Variants in CYP19A1 observed in about 807,000 individuals in gnomAD.
CYP19A1 encodes cytochrome P450 family 19 subfamily A member 1, also known as aromatase.
A neutral mutation model predicts 44.4 loss-of-function variants in CYP19A1; 32 were observed. The ratio of observed to expected loss-of-function variants is 0.72; its 90% CI spans 0.54 to 0.97. CYP19A1 has a LOEUF of 0.97. CYP19A1 is among the 50% of genes least tolerant of loss of function. The pLI, the probability that CYP19A1 is intolerant of heterozygous loss-of-function variation, is 0.00. For missense variants in CYP19A1, 598 were observed against 637.8 expected (o/e 0.94, Z 0.67); for synonymous variants, 212 against 215.6 (o/e 0.98, Z 0.14).
At chr15:51,248,493 T>C (rs943045254) in intron 1 of CYP19A1, among the ~76,000 whole-genome samples, 1 of 152,220 alleles carries the variant, frequency 6.6e-6, no homozygotes, top group Non-Finnish European at 1.5e-5. Context: ...TCAAAGACAA[T>C]AGGTAAAATC....
At chr15:51,241,410 C>A (rs146860144) in intron 2 of CYP19A1, among the ~76,000 whole-genome samples, 1 of 152,190 alleles carries the variant, frequency 6.6e-6, no homozygotes, top group Non-Finnish European at 1.5e-5. Context: ...AGCTTGAGAA[C>A]CTGTGGCTCA....
chr15:51,308,944 A>C (rs28566535), intron 1 of CYP19A1, among the ~76,000 whole-genome samples: 30,132 of 152,014 alleles, frequency 0.2, 5,906 homozygotes, highest in African/African-American at 0.49. Context: ...TCCCTCCCAC[A>C]TTTACTTCCT....
chr15:51,336,384 T>G (rs1566929824), intron 1 of CYP19A1, among the ~76,000 whole-genome samples: 1 of 152,072 alleles, frequency 6.6e-6, no homozygotes, highest in Non-Finnish European at 1.5e-5. Flanking sequence ...ATTGCTGACT[T>G]TGGTTGGATG....
At chr15:51,298,556 G>T (rs2470155) in intron 1 of CYP19A1, among the ~76,000 whole-genome samples, 14,488 of 152,180 alleles carry the variant, frequency 0.095, 784 homozygotes, top group African/African-American at 0.12. Context: ...TTTCTAGGGA[G>T]GGAAAAAGCA....
intron 1 of CYP19A1, among the ~76,000 whole-genome samples, chr15:51,335,003 G>A (rs932084965): frequency 1.3e-5 from 2 of 152,180 alleles, no homozygotes; most frequent in Non-Finnish European, 1.5e-5. Context: ...TGCAGGGTTG[G>A]ACTGTGCTGG....
At position 51,209,605 on chromosome 15, in the gene CYP19A1, C is replaced by A. The variant is rs772138757; in HGVS notation, c.*1203G>T. 2 of 152,492 alleles carry A rather than the reference C, an allele frequency of 1.3e-5. No individual in the cohort carries two copies. Among genetic ancestry groups the A allele is most frequent in the Non-Finnish European group, 2.9e-5 (2 of 68,004 alleles). The allele number at this position is 152,492 out of a possible 1,614,324, so 9.4% of individuals were successfully genotyped here. A position where few individuals can be genotyped will look rare whatever the true frequency, so the allele number is the denominator to read the frequency against. On this transcript the variant is annotated 3_prime_UTR_variant, in exon 10 of 10. Coordinates refer to ENST00000396402, the MANE Select transcript of CYP19A1 (RefSeq NM_000103.4). ...CATTCATTTGATTTCCTTTAGAAAGCGAATTCCAAGGTGTGCAATTTATCC... is the reference window on the plus strand; with the variant it reads ...CATTCATTTGATTTCCTTTAGAAAGAGAATTCCAAGGTGTGCAATTTATCC...
intron 1 of CYP19A1, among the ~76,000 whole-genome samples, chr15:51,247,794 T>G (rs2141135445): frequency 6.6e-6 from 1 of 152,282 alleles, no homozygotes; most frequent in Middle Eastern, 3.4e-3. Context: ...CCCTTTTCCC[T>G]TTACTTTCCT....
chr15:51,299,125 C>T (rs2036060936), intron 1 of CYP19A1, among the ~76,000 whole-genome samples: 1 of 152,244 alleles, frequency 6.6e-6, no homozygotes, highest in South Asian at 2.1e-4. Flanking sequence ...CCTGTGTACT[C>T]CTTTCCATTG....
chr15:51,337,859 A>G (rs2036802558), intron 1 of CYP19A1: 1 of 152,306 alleles, frequency 6.6e-6, no homozygotes, highest in Non-Finnish European at 1.5e-5. Flanking sequence ...TCTGTGAAAA[A>G]TGCCATCATC....
chr15:51,278,998 G>A (rs991834246), intron 1 of CYP19A1: 4 of 152,158 alleles, frequency 2.6e-5, no homozygotes, highest in Non-Finnish European at 5.9e-5. Context: ...TTAACAGGTA[G>A]GATGCAAGAT....
At chr15:51,329,649 A>T (rs1486607607) in intron 1 of CYP19A1, among the ~76,000 whole-genome samples, 1 of 152,196 alleles carries the variant, frequency 6.6e-6, no homozygotes, top group East Asian at 1.9e-4. Context: ...CTGGTATGAA[A>T]CTGATCACTC....
At chr15:51,221,091 C>A (rs936424719) in intron 5 of CYP19A1, among the ~76,000 whole-genome samples, 5 of 151,854 alleles carry the variant, frequency 3.3e-5, no homozygotes, top group Non-Finnish European at 7.4e-5. Flanking sequence ...ATTTAAGAAT[C>A]CTGTTTAATA....
chr15:51,270,129 T>C (rs906515256), intron 1 of CYP19A1, among the ~76,000 whole-genome samples: 8 of 152,234 alleles, frequency 5.3e-5, no homozygotes, highest in African/African-American at 1.9e-4. Flanking sequence ...TTTTGTAATT[T>C]CTGGTGTAGA....
chr15:51,280,885 C>CT (rs1374985159), intron 1 of CYP19A1, among the ~76,000 whole-genome samples: 2 of 152,224 alleles, frequency 1.3e-5, no homozygotes, highest in African/African-American at 4.8e-5. Flanking sequence ...TGCTGGGAAG[C>CT]TGCCCAGCCC....
At chr15:51,272,092 ACTCT>A (rs1363571319) in intron 1 of CYP19A1, among the ~76,000 whole-genome samples, 2 of 152,100 alleles carry the variant, frequency 1.3e-5, no homozygotes, top group African/African-American at 4.8e-5. Context: ...ACAACCCAGC[ACTCT>A]CTCATCCATG....
chr15:51,212,610 T>G, intron 8 of CYP19A1, 49 bp from the exon 9 acceptor site: 1 of 1,244,520 alleles, frequency 8.0e-7, no homozygotes, highest in African/African-American at 1.5e-5. Flanking sequence ...AGTTTCCATC[T>G]GTGATTGGTA....
chr15:51,300,487 A>T (rs993348671), intron 1 of CYP19A1, among the ~76,000 whole-genome samples: 7 of 152,192 alleles, frequency 4.6e-5, no homozygotes, highest in Non-Finnish European at 8.8e-5. Flanking sequence ...TGAGTCACCT[A>T]TAGGAGAATT....
intron 1 of CYP19A1, among the ~76,000 whole-genome samples, chr15:51,275,175 T>TA (rs1286294096): frequency 6.6e-6 from 1 of 152,240 alleles, no homozygotes; most frequent in Non-Finnish European, 1.5e-5. Flanking sequence ...CAAAGAGTCC[T>TA]ACCCCACTTC....
intron 1 of CYP19A1, among the ~76,000 whole-genome samples, chr15:51,281,952 G>A (rs1272010295): frequency 1.3e-5 from 2 of 152,176 alleles, no homozygotes; most frequent in Non-Finnish European, 2.9e-5. Context: ...GAAGGGCTAA[G>A]AAGGAATTAG....
Sources: allele counts gnomAD v4.1 joint callset (sites outside exome capture counted in the v4.1 genomes callset), GRCh38; gene constraint gnomAD v4.1.1; transcripts MANE v1.5; gene names NCBI Gene and HGNC (gene_info 2026-07-23, HGNC 2026-07-21).